The following ERI3 variants were observed in gnomAD, a reference collection of about 807,000 sequenced individuals.
ERI3 encodes ERI1 exoribonuclease family member 3.
In ERI3, 18 loss-of-function variants were observed where a neutral mutation model predicts 44.4. The observed-to-expected ratio is 0.41, with a 90% confidence interval of 0.28 to 0.60. ERI3 has a LOEUF of 0.60. ERI3 is among the 20% of genes least tolerant of loss of function. The pLI is 0.36. For synonymous variants in ERI3, 183 were observed against 164.8 expected (o/e 1.11, Z -0.84); for missense variants, 294 against 435.5 (o/e 0.68, Z 2.89).
intron 3 of ERI3, among the ~76,000 whole-genome samples, chr1:44,334,079 T>C (rs952699361): frequency 2.0e-5 from 3 of 152,222 alleles, no homozygotes; most frequent in African/African-American, 4.8e-5. Flanking sequence ...AAAAAGACTA[T>C]GCAGGAGCCT....
At chr1:44,271,482 C>T (rs1442999289) in intron 7 of ERI3, among the ~76,000 whole-genome samples, 6 of 152,216 alleles carry the variant, frequency 3.9e-5, no homozygotes, top group Non-Finnish European at 5.9e-5. Flanking sequence ...CTGGCAGCAA[C>T]AAAGTAAAGC....
chr1:44,353,065 A>G (rs2154332657), intron 1 of ERI3, 140 bp from the exon 2 acceptor site: 1 of 1,479,972 alleles, frequency 6.8e-7, no homozygotes, highest in East Asian at 2.4e-5. Flanking sequence ...GCCCCCACAG[A>G]GCTTTCAGAA....
At chr1:44,331,343 G>A (rs907657631) in intron 3 of ERI3, among the ~76,000 whole-genome samples, 1 of 151,190 alleles carries the variant, frequency 6.6e-6, no homozygotes, top group Non-Finnish European at 1.5e-5. Context: ...AAGGGGAGGC[G>A]TCATGTCATT....
At chr1:44,295,544 G>A (rs1393654780) in intron 6 of ERI3, among the ~76,000 whole-genome samples, 2 of 152,154 alleles carry the variant, frequency 1.3e-5, no homozygotes, top group East Asian at 3.9e-4. Context: ...CAGCACTTCC[G>A]GGATATGCTG....
intron 7 of ERI3, among the ~76,000 whole-genome samples, chr1:44,253,064 C>T (rs1644714374): frequency 6.6e-6 from 1 of 152,218 alleles, no homozygotes; most frequent in African/African-American, 2.4e-5. Context: ...AGAGATGAAG[C>T]TGTGATGGTG....
intron 5 of ERI3, among the ~76,000 whole-genome samples, chr1:44,308,917 GC>G (rs1371750672): frequency 3.3e-5 from 5 of 152,086 alleles, no homozygotes; most frequent in African/African-American, 1.2e-4. Context: ...ACCTTAAGAG[GC>G]CCCTTTACTG....
intron 8 of ERI3, among the ~76,000 whole-genome samples, chr1:44,225,980 GAC>G (rs1420022976): frequency 6.6e-6 from 1 of 152,174 alleles, no homozygotes; most frequent in Non-Finnish European, 1.5e-5. Context: ...GGAACTCAAA[GAC>G]AGCCCTGTCA....
chr1:44,253,243 A>G (rs1052966404), intron 7 of ERI3, among the ~76,000 whole-genome samples: 2 of 152,224 alleles, frequency 1.3e-5, no homozygotes, highest in Non-Finnish European at 1.5e-5. Flanking sequence ...CCCATGCCTC[A>G]TAGAAAGGCT....
chr1:44,236,125 C>A (rs1644297928), intron 8 of ERI3, among the ~76,000 whole-genome samples: 1 of 152,204 alleles, frequency 6.6e-6, no homozygotes, highest in South Asian at 2.1e-4. Context: ...GTGAATTAAT[C>A]ATGAGGACTA....
chr1:44,284,526 T>TGCCCACAGATTCAGCTCTGA lies in ERI3; in HGVS notation c.831+289_831+308dup, dbSNP rs1355967438. 2.6e-5 allele frequency among the ~76,000 whole-genome samples: 4 copies of TGCCCACAGATTCAGCTCTGA among 152,204 alleles called. No individual in the cohort carries two copies. In the East Asian group the frequency reaches 7.7e-4, roughly 29 times the overall value. ...GTCTCTCCTAGAGACAAGCCAGCTC[T>TGCCCACAGATTCAGCTCTGA]GCCCACAGATTCAGCTCTGAGCAAG... is the stretch of plus-strand genomic sequence containing the variant. On this transcript the variant is annotated intron_variant, in intron 7 of 8. Coordinates refer to ENST00000372257, the MANE Select transcript of ERI3 (RefSeq NM_024066.3).
chr1:44,335,884 G>A (rs1355023020), intron 3 of ERI3, among the ~76,000 whole-genome samples: 3 of 151,808 alleles, frequency 2.0e-5, no homozygotes, highest in South Asian at 2.1e-4. Context: ...ACCTTATTCC[G>A]GTCCTTTTGC....
At chr1:44,286,423 A>C (rs1645395600) in intron 6 of ERI3, among the ~76,000 whole-genome samples, 1 of 152,162 alleles carries the variant, frequency 6.6e-6, no homozygotes, top group African/African-American at 2.4e-5. Flanking sequence ...AGGCAACTGG[A>C]TATCTAGTTT....
chr1:44,290,176 G>T (rs1367800423), intron 6 of ERI3, among the ~76,000 whole-genome samples: 1 of 152,196 alleles, frequency 6.6e-6, no homozygotes, highest in Non-Finnish European at 1.5e-5. Context: ...TGGCAGTCCT[G>T]GTGCCCACCA....
At chr1:44,223,241 G>C (rs1643946628) in intron 8 of ERI3, among the ~76,000 whole-genome samples, 1 of 152,156 alleles carries the variant, frequency 6.6e-6, no homozygotes, top group Non-Finnish European at 1.5e-5. Context: ...TGGTTTATGG[G>C]CCGGACACGC....
At chr1:44,330,899 C>T (rs1292997001) in intron 3 of ERI3, among the ~76,000 whole-genome samples, 2 of 152,204 alleles carry the variant, frequency 1.3e-5, no homozygotes, top group Non-Finnish European at 2.9e-5. Context: ...TCAGTTTCCT[C>T]ATGTCAAACA....
chr1:44,324,574 C>T (rs1379113379), intron 3 of ERI3, among the ~76,000 whole-genome samples: 1 of 151,468 alleles, frequency 6.6e-6, no homozygotes, highest in Admixed American at 6.6e-5. Flanking sequence ...CTCTGCCTCC[C>T]GGGTTCACGC....
chr1:44,322,504 C>T (rs922048729), intron 3 of ERI3, among the ~76,000 whole-genome samples: 1 of 152,128 alleles, frequency 6.6e-6, no homozygotes, highest in Non-Finnish European at 1.5e-5. Context: ...AGCTCATCAG[C>T]CAAGCCTTCT....
intron 3 of ERI3, chr1:44,322,758 T>A: frequency 1.3e-6 from 2 of 1,550,074 alleles, no homozygotes; most frequent in Non-Finnish European, 8.7e-7. Context: ...CTTCCATACT[T>A]CCCAGAACCT....
intron 3 of ERI3, among the ~76,000 whole-genome samples, chr1:44,337,111 T>C (rs930301562): frequency 6.6e-6 from 1 of 152,224 alleles, no homozygotes. Context: ...CCTTCAGGAA[T>C]ATTGGCAGGA....
Sources: allele counts gnomAD v4.1 joint callset (sites outside exome capture counted in the v4.1 genomes callset), GRCh38; gene constraint gnomAD v4.1.1; transcripts MANE v1.5; gene names NCBI Gene and HGNC (gene_info 2026-07-23, HGNC 2026-07-21).